The following ANKDD1B variants were observed in gnomAD, a reference collection of about 807,000 sequenced individuals.
ANKDD1B encodes ankyrin repeat and death domain-containing protein 1B.
Under a neutral mutation model 59.7 loss-of-function variants are expected in ANKDD1B, and 57 were observed. The ratio of observed to expected loss-of-function variants is 0.95; its 90% confidence interval spans 0.77 to 1.19. ANKDD1B has a LOEUF of 1.19. Ranked by LOEUF, ANKDD1B falls within the 50% of genes most tolerant of loss-of-function variation. ANKDD1B has a pLI of 0.00. For synonymous variants in ANKDD1B, 216 were observed against 239.5 expected (o/e 0.90, Z 0.91); for missense variants, 602 against 641.9 (o/e 0.94, Z 0.67).
intron 3 of ANKDD1B, among the ~76,000 whole-genome samples, chr5:75,623,611 T>C (rs968540351): frequency 3.9e-5 from 6 of 152,050 alleles, no homozygotes; most frequent in African/African-American, 1.4e-4. Flanking sequence ...AAATATAAAT[T>C]TGATAGGATA....
At chr5:75,627,003 T>G (rs1774012993) in intron 5 of ANKDD1B, among the ~76,000 whole-genome samples, 1 of 152,228 alleles carries the variant, frequency 6.6e-6, no homozygotes, top group Non-Finnish European at 1.5e-5. Context: ...TTTCTGACCT[T>G]AATCTTAAAA....
At chr5:75,669,219 T>G (rs1775405316) in intron 12 of ANKDD1B, 33 bp from the exon 13 acceptor site, 2 of 1,231,808 alleles carry the variant, frequency 1.6e-6, no homozygotes, top group African/African-American at 3.1e-5. Context: ...CAGCTCGTGG[T>G]GTTTTACCTC....
At chr5:75,655,633 C>A (rs1396480856) in intron 8 of ANKDD1B, among the ~76,000 whole-genome samples, 1 of 152,218 alleles carries the variant, frequency 6.6e-6, no homozygotes, top group African/African-American at 2.4e-5. Flanking sequence ...CCTATCCCCA[C>A]ACTGGCTCTT....
intron 1 of ANKDD1B, among the ~76,000 whole-genome samples, chr5:75,613,429 C>A (rs1284274591): frequency 6.6e-6 from 1 of 152,072 alleles, no homozygotes; most frequent in Non-Finnish European, 1.5e-5. Context: ...GGATGGGATC[C>A]AGAGCCCAAG....
intron 1 of ANKDD1B, among the ~76,000 whole-genome samples, chr5:75,616,535 G>T (rs1043247678): frequency 6.6e-6 from 1 of 152,138 alleles, no homozygotes; most frequent in Non-Finnish European, 1.5e-5. Flanking sequence ...CAGATACCAG[G>T]TTACTGACTT....
Position 75,616,857 on chromosome 5 carries a change from C to G in ANKDD1B, c.247C>G (p.Leu83Val), listed in dbSNP as rs1773729990. 1 of 1,532,874 alleles carries G rather than the reference C, an allele frequency of 6.5e-7. No homozygotes were observed. Among genetic ancestry groups the G allele is most frequent in the South Asian group, 1.2e-5 (1 of 83,822 alleles). 95.0% of individuals were successfully genotyped at this position (1,532,874 alleles called of 1,614,324 possible). A position where few individuals can be genotyped will look rare whatever the true frequency, so the allele number is the denominator to read the frequency against. The change falls in exon 2 of 14, where the codon CTT becomes GTT. Residue 83 changes from leucine to valine, a missense_variant. Physicochemically the swap from Leu to Val is conservative, Grantham distance 32. Coordinates refer to ENST00000601380, the MANE Select transcript of ANKDD1B (RefSeq NM_001276713.2). ...QNAAKSNNLD[L>V]MEKLFEKKVN... ...TGCTGCTAAAAGCAATAATTTGGAT[C>G]TTATGGAGAAGCTGTTTGAAAAGAA... is the stretch of plus-strand genomic sequence containing the variant.
intron 1 of ANKDD1B, 71 bp downstream of exon 1, chr5:75,611,898 AC>A: frequency 8.4e-7 from 1 of 1,185,980 alleles, no homozygotes; most frequent in Non-Finnish European, 1.1e-6. Context: ...TTGAGAAGGT[AC>A]CCAGAGCAGC....
In ANKDD1B at chr5:75,671,155, G is replaced by C. The variant is rs1775471217; in HGVS notation, c.*115G>C. 4.7e-6 allele frequency: 2 copies of C among 426,732 alleles called. No individual in the cohort carries two copies. The highest frequency in any genetic ancestry group is 7.9e-6 in the Non-Finnish European group (2 of 254,140). The allele number at this position is 426,732 out of a possible 1,614,324, so 26.4% of individuals were successfully genotyped here. On this transcript the variant is annotated 3_prime_UTR_variant, in exon 14 of 14. Transcript: ENST00000601380. Reference sequence around the variant, plus strand: ...TCAACTATGATGATGGTGGTGACAGGGAACTCTAACAGATGAAAGAAGAGT... The same window carrying C: ...TCAACTATGATGATGGTGGTGACAGCGAACTCTAACAGATGAAAGAAGAGT...
At chr5:75,633,342 A>G (rs1774215413) in intron 5 of ANKDD1B, among the ~76,000 whole-genome samples, 1 of 152,208 alleles carries the variant, frequency 6.6e-6, no homozygotes, top group African/African-American at 2.4e-5. Context: ...GCTTCCATAC[A>G]TGCATAAATA....
intron 5 of ANKDD1B, among the ~76,000 whole-genome samples, chr5:75,627,980 T>C (rs1485548722): frequency 6.6e-6 from 1 of 152,140 alleles, no homozygotes; most frequent in Non-Finnish European, 1.5e-5. Flanking sequence ...CAGAGAGTAA[T>C]GTCCAGCTGC....
intron 5 of ANKDD1B, among the ~76,000 whole-genome samples, chr5:75,629,610 CA>C (rs10629729): frequency 8.9e-5 from 13 of 146,138 alleles, no homozygotes; most frequent in Non-Finnish European, 1.2e-4. Flanking sequence ...ACTTAACATG[CA>C]AAAAAAAAAA....
At chr5:75,659,438 G>A in intron 10 of ANKDD1B, 57 bp downstream of exon 10, 1 of 1,224,008 alleles carries the variant, frequency 8.2e-7, no homozygotes, top group Non-Finnish European at 1.2e-6. Context: ...CCTTCCTGTT[G>A]GATGTCAGCC....
At chr5:75,615,824 G>C (rs1773703411) in intron 1 of ANKDD1B, among the ~76,000 whole-genome samples, 1 of 151,942 alleles carries the variant, frequency 6.6e-6, no homozygotes, top group South Asian at 2.1e-4. Context: ...AACATTCTGA[G>C]GTACTTGGGG....
At chr5:75,666,659 A>C in intron 11 of ANKDD1B, 133 bp from the exon 12 acceptor site, 1 of 629,120 alleles carries the variant, frequency 1.6e-6, no homozygotes, top group South Asian at 2.1e-5. Context: ...TATATGATCC[A>C]GTGACAGGAG....
intron 2 of ANKDD1B, among the ~76,000 whole-genome samples, chr5:75,618,865 C>A (rs574472683): frequency 6.6e-6 from 1 of 152,294 alleles, no homozygotes; most frequent in Non-Finnish European, 1.5e-5. Context: ...CCTGCCTCAG[C>A]CTCCCTAGTA....
chr5:75,665,539 C>A (rs998359825), intron 11 of ANKDD1B, among the ~76,000 whole-genome samples: 1 of 152,192 alleles, frequency 6.6e-6, no homozygotes, highest in African/African-American at 2.4e-5. Context: ...TTCCTGGGAG[C>A]TAGGCACTGT....
chr5:75,666,695 C>A, intron 11 of ANKDD1B, 97 bp from the exon 12 acceptor site: 1 of 879,904 alleles, frequency 1.1e-6, no homozygotes, highest in Non-Finnish European at 1.8e-6. Context: ...TCTCGGTTAC[C>A]ACCTTACTAG....
Position 75,671,698 on chromosome 5 carries a change from T to A in ANKDD1B, c.*658T>A, listed in dbSNP as rs1428601780. The A allele has an allele frequency of 2.5e-5, 2 of 79,430 alleles. No individual in the cohort carries two copies. The highest frequency in any genetic ancestry group is 7.6e-5 in the African/African-American group (1 of 13,144). 4.9% of individuals were successfully genotyped at this position (79,430 alleles called of 1,614,324 possible). ...GGAAAGACCAGAAGTATGTACACCATTTTTTTTTTTTTTTAAATCTCTTGG... is the reference window on the plus strand; with the variant it reads ...GGAAAGACCAGAAGTATGTACACCAATTTTTTTTTTTTTTAAATCTCTTGG... On this transcript the variant is annotated 3_prime_UTR_variant, in exon 14 of 14. Coordinates refer to ENST00000601380, the MANE Select transcript of ANKDD1B (RefSeq NM_001276713.2).
At chr5:75,651,994 A>G (rs1774845242) in intron 7 of ANKDD1B, among the ~76,000 whole-genome samples, 1 of 152,206 alleles carries the variant, frequency 6.6e-6, no homozygotes, top group Non-Finnish European at 1.5e-5. Flanking sequence ...CTCATTCATA[A>G]GGGTTCCACC....
Sources: gnomAD v4.1 joint callset for allele counts (sites outside exome capture counted in the v4.1 genomes callset) on GRCh38, gnomAD v4.1.1 for gene constraint, MANE v1.5 for transcripts, NCBI Gene and HGNC (gene_info 2026-07-23, HGNC 2026-07-21) for gene names.